DNAJC8: variants seen among roughly 807,000 people sequenced by gnomAD.
DNAJC8 encodes the protein DnaJ heat shock protein family (Hsp40) member C8.
Under a neutral mutation model 43.2 loss-of-function variants are expected in DNAJC8, and 24 were observed. That is an observed-to-expected ratio of 0.56 (90% CI 0.40 to 0.78). The LOEUF is 0.78. Among genes scored for constraint, DNAJC8 ranks in the 30% least tolerant of loss-of-function variants. The pLI is 0.00. For missense variants in DNAJC8, 207 were observed against 299.4 expected (o/e 0.69, Z 2.28); for synonymous variants, 83 against 98.0 (o/e 0.85, Z 0.90).
intron 1 of DNAJC8, among the ~76,000 whole-genome samples, chr1:28,232,126 G>A (rs1646980452): frequency 6.6e-6 from 1 of 151,652 alleles, no homozygotes; most frequent in East Asian, 1.9e-4. Context: ...CAAAAATGGA[G>A]TGCAGTGGTC....
rs1372839332 is a variant in DNAJC8 at position 28,214,978 on chromosome 1, C to T, written c.199G>A (p.Glu67Lys). The change falls in exon 3 of 9, where the codon GAA (glutamate) becomes AAA (lysine). Residue 67 changes from glutamate (E) to lysine (K), a missense_variant. Glu to Lys is a moderately conservative substitution (Grantham distance 56, BLOSUM62 1). This residue lies in a region of DNAJC8 where 159 missense variants were observed against 267.5 expected (regional missense o/e 0.59). Transcript: ENST00000263697. ...TTTTTTATTTCTTCATCTGTAACTT[C>T]AGGATCTATCTGAAGAACCTGGAAG... is the stretch of plus-strand genomic sequence containing the variant. ...NPFEVLQIDP[E>K]VTDEEIKKRF... 5.6e-6 allele frequency: 9 copies of T among 1,608,430 alleles called. No individual in the cohort carries two copies. Among genetic ancestry groups the T allele is most frequent in the African/African-American group, 1.3e-5 (1 of 74,776 alleles).
At chr1:28,224,969 A>G (rs1369249018) in intron 2 of DNAJC8, among the ~76,000 whole-genome samples, 2 of 151,062 alleles carry the variant, frequency 1.3e-5, no homozygotes, top group Non-Finnish European at 3.0e-5. Flanking sequence ...AGGAGGATCA[A>G]TTGAGCCCAG....
chr1:28,216,246 C>A (rs1426638578), intron 2 of DNAJC8, among the ~76,000 whole-genome samples: 1 of 152,068 alleles, frequency 6.6e-6, no homozygotes, highest in South Asian at 2.1e-4. Context: ...CAAGTCAGTG[C>A]GCCCCACTCT....
chr1:28,202,245 G>A (rs887417634), intron 8 of DNAJC8, among the ~76,000 whole-genome samples: 3 of 152,148 alleles, frequency 2.0e-5, no homozygotes, highest in Non-Finnish European at 4.4e-5. Context: ...TGGGGACCTC[G>A]AGGCTAGACG....
At position 28,228,943 on chromosome 1, in the gene DNAJC8, G is replaced by C; in HGVS notation, c.159C>G (p.Tyr53Ter). 1 of 1,612,918 alleles carries C rather than the reference G, an allele frequency of 6.2e-7. No homozygotes were observed. Among genetic ancestry groups the C allele is most frequent in the East Asian group, 2.2e-5 (1 of 44,872 alleles). Residue 53 changes from tyrosine (Y) to a stop codon, truncating the protein, a stop_gained, in exon 2 of 9, where the codon TAC becomes TAG. Transcript: ENST00000263697. LOFTEE classifies it high-confidence loss of function. ...IERLTRPGSS[Y>*]FNLNPFEVLQ... ...TCACCTCAAATGGGTTCAAATTGAA[G>C]TAAGAGGAACCAGGACGGGTCAGTC...
intron 3 of DNAJC8, among the ~76,000 whole-genome samples, chr1:28,211,780 T>C (rs1252256519): frequency 6.6e-6 from 1 of 152,070 alleles, no homozygotes; most frequent in Non-Finnish European, 1.5e-5. Context: ...TTGGGAAGGG[T>C]ACAAGCTGAA....
chr1:28,205,167 A>G, intron 7 of DNAJC8, 91 bp downstream of exon 7: 1 of 960,716 alleles, frequency 1.0e-6, no homozygotes, highest in Non-Finnish European at 1.6e-6. Flanking sequence ...ATGGTATACT[A>G]TATAATTCCC....
chr1:28,203,468 A>C (rs1646749902), intron 8 of DNAJC8, among the ~76,000 whole-genome samples: 2 of 152,218 alleles, frequency 1.3e-5, no homozygotes, highest in South Asian at 4.1e-4. Context: ...ACAATCTAAA[A>C]AACCATTCAG....
chr1:28,200,756 G>A lies in DNAJC8; in HGVS notation c.*492C>T. Reference sequence around the variant, plus strand: ...CAGGGCATCAGATGCTGCTCTGTGTGCTCACAAGTGTTCCCTGTCTTATCT... The same window carrying A: ...CAGGGCATCAGATGCTGCTCTGTGTACTCACAAGTGTTCCCTGTCTTATCT... On this transcript the variant is annotated 3_prime_UTR_variant, in exon 9 of 9. Coordinates refer to ENST00000263697, the MANE Select transcript of DNAJC8 (RefSeq NM_014280.3). 4 of 443,200 alleles carry A rather than the reference G, an allele frequency of 9.0e-6. 1 individual carries two copies. The highest frequency in any genetic ancestry group is 4.8e-5 in the South Asian group (3 of 62,934). 27.5% of individuals were successfully genotyped at this position (443,200 alleles called of 1,614,324 possible). A position where few individuals can be genotyped will look rare whatever the true frequency, so the allele number is the denominator to read the frequency against.
At chr1:28,203,652 C>CT in intron 8 of DNAJC8, 95 bp downstream of exon 8, 3 of 1,226,338 alleles carry the variant, frequency 2.4e-6, no homozygotes, top group Non-Finnish European at 3.6e-6. Flanking sequence ...ACATATCCCA[C>CT]TCCCCTCTGA....
intron 3 of DNAJC8, among the ~76,000 whole-genome samples, chr1:28,213,960 G>C (rs947379592): frequency 5.9e-5 from 9 of 152,114 alleles, no homozygotes; most frequent in African/African-American, 2.2e-4. Flanking sequence ...AGGTTGCAGT[G>C]AGCCAAGATC....
intron 6 of DNAJC8, among the ~76,000 whole-genome samples, chr1:28,206,999 G>A (rs1404928938): frequency 2.6e-5 from 4 of 151,772 alleles, no homozygotes; most frequent in South Asian, 2.1e-4. Context: ...CAGACACTGC[G>A]ATTTTATATT....
intron 3 of DNAJC8, 90 bp downstream of exon 3, chr1:28,214,850 C>T: frequency 1.7e-6 from 2 of 1,193,062 alleles, no homozygotes; most frequent in East Asian, 2.6e-5. Context: ...AATTTTGGCC[C>T]AAACATATCA....
At chr1:28,222,757 G>A (rs1646907462) in intron 2 of DNAJC8, among the ~76,000 whole-genome samples, 1 of 152,052 alleles carries the variant, frequency 6.6e-6, no homozygotes, top group African/African-American at 2.4e-5. Flanking sequence ...TAGTCACAGG[G>A]TGCTGAAGCC....
intron 8 of DNAJC8, among the ~76,000 whole-genome samples, chr1:28,201,651 TGGTGGCA>T (rs1646733986): frequency 6.6e-6 from 1 of 151,130 alleles, no homozygotes; most frequent in Non-Finnish European, 1.5e-5. Context: ...TAGCCGGGCG[TGGTGGCA>T]GGTGCCTGTA....
chr1:28,217,947 T>C (rs1419836264), intron 2 of DNAJC8, among the ~76,000 whole-genome samples: 1 of 151,932 alleles, frequency 6.6e-6, no homozygotes, highest in Non-Finnish European at 1.5e-5. Context: ...AAAATAGCTA[T>C]AAAGGGGATT....
intron 7 of DNAJC8, 54 bp downstream of exon 7, chr1:28,205,203 AT>A: frequency 7.5e-7 from 1 of 1,337,602 alleles, no homozygotes; most frequent in Non-Finnish European, 1.1e-6. Context: ...CCAAAGACCA[AT>A]GTTAGTTAAT....
intron 2 of DNAJC8, among the ~76,000 whole-genome samples, chr1:28,215,911 G>A (rs980809745): frequency 1.3e-5 from 2 of 151,634 alleles, no homozygotes; most frequent in African/African-American, 4.9e-5. Context: ...CCAGGCTGGA[G>A]TGCAGTGGCA....
intron 2 of DNAJC8, among the ~76,000 whole-genome samples, chr1:28,215,607 G>A (rs568522138): frequency 1.3e-5 from 2 of 148,992 alleles, no homozygotes; most frequent in East Asian, 4.1e-4. Flanking sequence ...GCGAGATCTC[G>A]GCTCACTGCA....
Sources: allele counts gnomAD v4.1 joint callset (sites outside exome capture counted in the v4.1 genomes callset), GRCh38; gene constraint gnomAD v4.1.1; regional missense constraint gnomAD v4.1.1; transcripts MANE v1.5; gene names NCBI Gene and HGNC (gene_info 2026-07-23, HGNC 2026-07-21).